FLACC1: variants seen among roughly 807,000 people sequenced by gnomAD.
FLACC1 encodes flagellum associated containing coiled-coil domains 1.
A neutral mutation model predicts 62.8 loss-of-function variants in FLACC1; 66 were observed. The ratio of observed to expected loss-of-function variants is 1.05; its 90% CI spans 0.86 to 1.29. The LOEUF (loss-of-function observed/expected upper bound fraction) is 1.29, where lower values mean the gene tolerates loss of function less well. Among genes scored for constraint, FLACC1 ranks in the 50% most tolerant of loss-of-function variants. The probability of loss-of-function intolerance (pLI) is 0.00; values close to 1 mark genes in which losing one functional copy is unlikely to be tolerated. For synonymous variants in FLACC1, 156 were observed against 161.0 expected, an observed-to-expected ratio of 0.97 and a Z score of 0.24; for missense variants, 452 against 489.1, an observed-to-expected ratio of 0.92 and a Z score of 0.71.
intron 11 of FLACC1, among the ~76,000 whole-genome samples, chr2:201,301,850 A>G (rs1303460517): frequency 6.6e-6 from 1 of 152,234 alleles, no homozygotes; most frequent in Non-Finnish European, 1.5e-5. Flanking sequence ...TCATAAGTGA[A>G]GGAGACATAA....
In FLACC1 at chr2:201,333,486, G is replaced by A. The variant is rs371810302; in HGVS notation, c.525-2653C>T. 3.9e-4 allele frequency among the ~76,000 whole-genome samples: 60 copies of A among 152,042 alleles called. 3 individuals are homozygous for A. The East Asian group carries it at 8.9e-3, about 23-fold the overall frequency. On this transcript the variant is annotated intron_variant, in intron 7 of 14. Transcript: ENST00000392257. ...AGTTACATATGTATACATGTGCCAT[G>A]TTGGTGTGCTGCACCCAGTAACTCG...
At chr2:201,318,585 T>TA (rs548980085) in intron 9 of FLACC1, among the ~76,000 whole-genome samples, 3,909 of 147,554 alleles carry the variant, frequency 0.026, 74 homozygotes, top group Non-Finnish European at 0.041. Context: ...AATCAAAAAA[T>TA]AAAAAAAAAA....
intron 11 of FLACC1, among the ~76,000 whole-genome samples, chr2:201,305,616 T>C (rs1396686008): frequency 1.3e-5 from 2 of 152,188 alleles, no homozygotes; most frequent in African/African-American, 2.4e-5. Context: ...ATCATGCTGC[T>C]ATAAAGACAC....
chr2:201,291,797 C>T (rs972134699), intron 12 of FLACC1, among the ~76,000 whole-genome samples: 9 of 152,098 alleles, frequency 5.9e-5, no homozygotes, highest in Admixed American at 5.9e-4. Flanking sequence ...AGACGAATGG[C>T]TAACTAGAAT....
chr2:201,343,852 C>T (rs1318498928), intron 6 of FLACC1, among the ~76,000 whole-genome samples: 4 of 152,172 alleles, frequency 2.6e-5, no homozygotes, highest in Non-Finnish European at 4.4e-5. Context: ...CTTAATTGCA[C>T]CACAAAGGCC....
chr2:201,346,820 T>A lies in FLACC1; in HGVS notation c.235-145A>T. 1 of 966,582 alleles carries A rather than the reference T, an allele frequency of 1.0e-6. No individual in the cohort carries two copies. The highest frequency in any genetic ancestry group is 2.6e-5 in the Admixed American group (1 of 38,692). The allele number at this position is 966,582 out of a possible 1,614,324, so 59.9% of individuals were successfully genotyped here. A position where few individuals can be genotyped will look rare whatever the true frequency, so the allele number is the denominator to read the frequency against. The stretch of plus-strand genomic sequence containing the variant: ...GCCCTTCTGGGCCCTTCACCCATTA[T>A]AGCTCATTCTCACATCTCTCCGACT... On this transcript the variant is annotated intron_variant, in intron 4 of 14. Transcript: ENST00000392257. This position sits in a 1 kb window ranked among gnomAD's most constrained non-coding sequence, Gnocchi z 4.0.
At chr2:201,336,330 G>T (rs1950695814) in intron 7 of FLACC1, among the ~76,000 whole-genome samples, 1 of 152,146 alleles carries the variant, frequency 6.6e-6, no homozygotes, top group Non-Finnish European at 1.5e-5. Flanking sequence ...TGCTGCAAAG[G>T]ACATGATTTT....
chr2:201,307,468 G>A lies in FLACC1; in HGVS notation c.879+51C>T, dbSNP rs764148682. 1.7e-5 allele frequency: 23 copies of A among 1,389,356 alleles called. No homozygotes were observed. In the African/African-American group the frequency reaches 3.1e-4, roughly 19 times the overall value. The allele number at this position is 1,389,356 out of a possible 1,614,324, so 86.1% of individuals were successfully genotyped here. On this transcript the variant is annotated intron_variant, in intron 11 of 14. Coordinates refer to ENST00000392257, the MANE Select transcript of FLACC1 (RefSeq NM_001127391.3). ...TGGAGGCACACCTGGGGACTTGGGTGTACCACCTGGACTACCCATTCAATC... is the reference window on the plus strand; with the variant it reads ...TGGAGGCACACCTGGGGACTTGGGTATACCACCTGGACTACCCATTCAATC...
intron 3 of FLACC1, among the ~76,000 whole-genome samples, chr2:201,349,571 CT>C (rs1950984925): frequency 6.6e-6 from 1 of 151,950 alleles, no homozygotes; most frequent in Non-Finnish European, 1.5e-5. Context: ...GAAACAGTGC[CT>C]AATAAATAAT....
intron 12 of FLACC1, among the ~76,000 whole-genome samples, chr2:201,297,904 G>A (rs576012631): frequency 6.6e-6 from 1 of 152,276 alleles, no homozygotes; most frequent in East Asian, 1.9e-4. Flanking sequence ...AGAACAGGAG[G>A]AGGAAAGGAA....
chr2:201,289,638 C>T, intron 13 of FLACC1, 58 bp downstream of exon 13: 1 of 1,611,488 alleles, frequency 6.2e-7, no homozygotes, highest in Non-Finnish European at 8.5e-7. Flanking sequence ...TATGGCAGAG[C>T]TGGATGGAGA....
intron 1 of FLACC1, among the ~76,000 whole-genome samples, chr2:201,354,799 G>A (rs1481488345): frequency 6.6e-6 from 1 of 152,222 alleles, no homozygotes; most frequent in Non-Finnish European, 1.5e-5. Context: ...GGCTAAGGCA[G>A]GCCCACTTCT....
chr2:201,312,116 A>G (rs1244491391), intron 9 of FLACC1, among the ~76,000 whole-genome samples: 5 of 152,236 alleles, frequency 3.3e-5, no homozygotes, highest in Non-Finnish European at 7.3e-5. Flanking sequence ...AAGGCATCCA[A>G]ATAGGAAAAG....
At chr2:201,331,220 C>T (rs895214772) in intron 7 of FLACC1, among the ~76,000 whole-genome samples, 7 of 152,074 alleles carry the variant, frequency 4.6e-5, no homozygotes, top group African/African-American at 1.2e-4. Context: ...AATCCTCCTG[C>T]GTTGACCTCC....
intron 7 of FLACC1, 94 bp from the exon 8 acceptor site, chr2:201,330,927 C>A: frequency 2.3e-6 from 2 of 867,040 alleles, no homozygotes; most frequent in Non-Finnish European, 1.7e-6. Flanking sequence ...CACCCTCCCA[C>A]AGGAAGTGAG....
chr2:201,343,112 T>C (rs376381898), intron 6 of FLACC1, among the ~76,000 whole-genome samples: 1 of 152,314 alleles, frequency 6.6e-6, no homozygotes, highest in African/African-American at 2.4e-5. Context: ...AGAGCCACTC[T>C]GACAGACAGA....
chr2:201,314,103 C>A (rs533002669), intron 9 of FLACC1, among the ~76,000 whole-genome samples: 1 of 152,016 alleles, frequency 6.6e-6, no homozygotes, highest in Non-Finnish European at 1.5e-5. Flanking sequence ...CAGAACCTAC[C>A]CAAATGAGAA....
chr2:201,311,694 C>A (rs1191016202), intron 9 of FLACC1, among the ~76,000 whole-genome samples: 2 of 113,758 alleles, frequency 1.8e-5, no homozygotes, highest in Non-Finnish European at 1.7e-5. Flanking sequence ...GAATGAGACA[C>A]TGACTCAAAA....
Position 201,288,358 on chromosome 2 carries a change from A to C in FLACC1, c.*297T>G. On this transcript the variant is annotated 3_prime_UTR_variant, in exon 15 of 15. Transcript: ENST00000392257. ...CAAATATAGTAAAAGTTCAATATGA[A>C]GAAGGCCTTCAAATCAGTTTCTTTC... The C allele has an allele frequency of 8.0e-6, 2 of 248,548 alleles. No individual in the cohort carries two copies. Among genetic ancestry groups the C allele is most frequent in the Non-Finnish European group, 1.5e-5 (2 of 129,784 alleles). 15.4% of individuals were successfully genotyped at this position (248,548 alleles called of 1,614,324 possible). A position where few individuals can be genotyped will look rare whatever the true frequency, so the allele number is the denominator to read the frequency against.
Sources: allele counts gnomAD v4.1 joint callset (sites outside exome capture counted in the v4.1 genomes callset), GRCh38; gene constraint gnomAD v4.1.1; non-coding constraint Gnocchi (gnomAD v3.1); transcripts MANE v1.5; gene names NCBI Gene and HGNC (gene_info 2026-07-23, HGNC 2026-07-21).